PTPRQ: variants seen among roughly 807,000 people sequenced by gnomAD.
PTPRQ encodes the protein phosphatidylinositol phosphatase PTPRQ.
A neutral mutation model predicts 246.0 loss-of-function variants in PTPRQ; 199 were observed. That is an observed-to-expected ratio of 0.81 (90% CI 0.72 to 0.91). The LOEUF is 0.91. PTPRQ is among the 40% of genes least tolerant of loss of function. The pLI, the probability that PTPRQ is intolerant of heterozygous loss-of-function variation, is 0.00. For synonymous variants in PTPRQ, 869 were observed against 853.2 expected (o/e 1.02, Z -0.32); for missense variants, 2,624 against 2,528.4 (o/e 1.04, Z -0.81).
rs144808388 is a variant in PTPRQ at position 80,540,397 on chromosome 12, T to C, written c.3154+453T>C. Among the ~76,000 whole-genome samples the C allele has an allele frequency of 5.4e-3, 820 of 152,144 alleles. 7 individuals are homozygous for C. The highest frequency in any genetic ancestry group is 0.019 in the African/African-American group (794 of 41,558). ...GAGTATTTTCCTTAACTCCAGAAGTTTCTCGTATGCATCTTCTGAAGAATC... is the reference window on the plus strand; with the variant it reads ...GAGTATTTTCCTTAACTCCAGAAGTCTCTCGTATGCATCTTCTGAAGAATC... On this transcript the variant is annotated intron_variant, in intron 20 of 44. Transcript: ENST00000644991.
At chr12:80,591,274 C>T (rs570886564) in intron 26 of PTPRQ, among the ~76,000 whole-genome samples, 4 of 151,848 alleles carry the variant, frequency 2.6e-5, no homozygotes, top group Middle Eastern at 3.4e-3. Context: ...TACAGGCACA[C>T]GCCACTGTGA....
intron 6 of PTPRQ, among the ~76,000 whole-genome samples, chr12:80,463,106 T>A (rs1344841643): frequency 2.0e-5 from 3 of 151,848 alleles, no homozygotes; most frequent in African/African-American, 7.3e-5. Flanking sequence ...GGCAAAGAAG[T>A]TGAAAACTTT....
chr12:80,489,369 CT>C (rs200954486), intron 9 of PTPRQ, among the ~76,000 whole-genome samples: 1 of 38,954 alleles, frequency 2.6e-5, no homozygotes, highest in East Asian at 2.6e-4. Flanking sequence ...TCATCTATCT[CT>C]TTGGGGGGAC....
intron 25 of PTPRQ, among the ~76,000 whole-genome samples, chr12:80,582,159 C>A (rs1257333410): frequency 6.6e-6 from 1 of 152,118 alleles, no homozygotes; most frequent in African/African-American, 2.4e-5. Flanking sequence ...CTGGTAAAAT[C>A]AAATTCGATA....
intron 8 of PTPRQ, among the ~76,000 whole-genome samples, chr12:80,472,933 TATAACAC>T (rs1448573780): frequency 3.3e-5 from 5 of 152,222 alleles, no homozygotes; most frequent in African/African-American, 1.2e-4. Context: ...AGTAAATTCT[TATAACAC>T]ATTAACACTT....
chr12:80,647,840 C>CT (rs1174622719), intron 35 of PTPRQ, among the ~76,000 whole-genome samples: 1 of 152,062 alleles, frequency 6.6e-6, no homozygotes, highest in Non-Finnish European at 1.5e-5. Context: ...TAGTCTATCA[C>CT]TTTATGTTTA....
chr12:80,448,298 C>T (rs983084126), intron 3 of PTPRQ, among the ~76,000 whole-genome samples: 62 of 151,550 alleles, frequency 4.1e-4, no homozygotes, highest in African/African-American at 1.5e-3. Context: ...TTTGAGTTGT[C>T]GTTAGAGTTT....
chr12:80,597,486 A>C (rs1898007939), intron 26 of PTPRQ, among the ~76,000 whole-genome samples: 1 of 152,026 alleles, frequency 6.6e-6, no homozygotes, highest in Admixed American at 6.6e-5. Flanking sequence ...GAAAGATAGG[A>C]GACCAGTCTG....
chr12:80,506,313 C>T (rs1333396633), intron 15 of PTPRQ, 107 bp downstream of exon 15: 8 of 1,248,380 alleles, frequency 6.4e-6, no homozygotes, highest in African/African-American at 6.1e-5. Flanking sequence ...CAGGGTATTA[C>T]AATTTTGTCT....
intron 6 of PTPRQ, chr12:80,462,071 C>T (rs1438769960): frequency 1.5e-6 from 1 of 687,560 alleles, no homozygotes. Context: ...CATTGCCTCA[C>T]TTGGGGAGCA....
chr12:80,651,294 G>A (rs1401613531), intron 37 of PTPRQ, among the ~76,000 whole-genome samples: 3 of 152,032 alleles, frequency 2.0e-5, no homozygotes, highest in East Asian at 1.9e-4. Flanking sequence ...CTGCAGATGT[G>A]TAAAAATTGC....
At position 80,509,275 on chromosome 12, in the gene PTPRQ, A is replaced by G. The variant is rs11114489; in HGVS notation, c.2558-1048A>G. On this transcript the variant is annotated intron_variant, in intron 16 of 44. Transcript: ENST00000644991. The stretch of plus-strand genomic sequence containing the variant: ...TGTTAGTTAAATAATGAAAACATGC[A>G]CACATGGGAACACATACAACTACAG... Among the ~76,000 whole-genome samples the G allele has an allele frequency of 8.1e-3, 1,240 of 152,194 alleles. 16 individuals carry two copies. Among genetic ancestry groups the G allele is most frequent in the African/African-American group, 0.028 (1,181 of 41,554 alleles).
At chr12:80,465,498 C>T (rs1417207838) in intron 6 of PTPRQ, 1 of 152,206 alleles carries the variant, frequency 6.6e-6, no homozygotes, top group African/African-American at 2.4e-5. Context: ...CTCCCTAACT[C>T]ATTTTATGAG....
Position 80,610,508 on chromosome 12 carries a change from G to T in PTPRQ, c.4801G>T (p.Asp1601Tyr), listed in dbSNP as rs1898509154. 1 of 1,533,776 alleles carries T rather than the reference G, an allele frequency of 6.5e-7. No homozygotes were observed. The highest frequency in any genetic ancestry group is 1.4e-5 in the African/African-American group (1 of 71,912). Residue 1601 changes from aspartate to tyrosine, a missense_variant, in exon 28 of 45, where the codon GAT (aspartate) becomes TAT (tyrosine). Physicochemically the swap from Asp to Tyr is radical, Grantham distance 160. Transcript: ENST00000644991. ...NEENKTIEIK[D>Y]LEIFTRYSVV... ...AGAAAATAAAACCATAGAAATTAAA[G>T]ATTTAGAAATATTCACAAGGTATTC... is the stretch of plus-strand genomic sequence containing the variant.
intron 3 of PTPRQ, among the ~76,000 whole-genome samples, chr12:80,452,910 C>T (rs1892820096): frequency 6.6e-6 from 1 of 152,156 alleles, no homozygotes; most frequent in African/African-American, 2.4e-5. Context: ...TGAATGTTGA[C>T]CTGCCTTGCT....
chr12:80,669,434 T>C lies in PTPRQ; in HGVS notation c.6423T>C (p.Asp2141=). 3.2e-6 allele frequency: 5 copies of C among 1,548,452 alleles called. No individual in the cohort carries two copies. The South Asian group carries it at 6.0e-5, about 19-fold the overall frequency. ...ITKLMEDVQI[D]WTIRDLKIER... ...AGCTAATGGAGGATGTTCAAATAGA[T>C]TGGACTATCAGGGATCTGAAAATTG... The change falls in exon 41 of 45, where the codon GAT becomes GAC. Residue 2141 remains aspartate (D), a synonymous_variant. Transcript: ENST00000644991.
chr12:80,612,824 A>G (rs1046685015), intron 28 of PTPRQ, among the ~76,000 whole-genome samples: 1 of 150,464 alleles, frequency 6.6e-6, no homozygotes, highest in Non-Finnish European at 1.5e-5. Context: ...CATCCACAAA[A>G]TGGAACACTA....
chr12:80,675,714 G>A (rs911093353), intron 43 of PTPRQ, among the ~76,000 whole-genome samples: 3 of 152,170 alleles, frequency 2.0e-5, no homozygotes, highest in Admixed American at 6.5e-5. Context: ...GTCAAAATAT[G>A]TTATAAACTT....
At chr12:80,655,046 C>T (rs1184562172) in intron 38 of PTPRQ, among the ~76,000 whole-genome samples, 2 of 151,976 alleles carry the variant, frequency 1.3e-5, no homozygotes, top group Non-Finnish European at 2.9e-5. Context: ...TATCTGGGTT[C>T]CCTTTAAGAC....
Sources: gnomAD v4.1 joint callset for allele counts (sites outside exome capture counted in the v4.1 genomes callset) on GRCh38, gnomAD v4.1.1 for gene constraint, MANE v1.5 for transcripts, NCBI Gene and HGNC (gene_info 2026-07-23, HGNC 2026-07-21) for gene names.